SCAMP2: variants seen among roughly 807,000 people sequenced by gnomAD.
SCAMP2 encodes the protein secretory carrier membrane protein 2, also known as secretory carrier-associated membrane protein 2.
A neutral mutation model predicts 44.1 loss-of-function variants in SCAMP2; 25 were observed. That is an observed-to-expected ratio of 0.57 (90% CI 0.41 to 0.79). The LOEUF (loss-of-function observed/expected upper bound fraction) is 0.79, where lower values mean the gene tolerates loss of function less well. SCAMP2 is among the 30% of genes least tolerant of loss of function. SCAMP2 has a pLI of 0.00. For missense variants in SCAMP2, 355 were observed against 411.0 expected (o/e 0.86, Z 1.18); for synonymous variants, 156 against 166.0 (o/e 0.94, Z 0.46).
Position 74,854,605 on chromosome 15 carries a change from C to G in SCAMP2, c.102G>C (p.Leu34=), listed in dbSNP as rs749374118. ...CCTCTGAGAAGGGGTTGAATTCCGC[C>G]AGGCCGCCCTGCGGGGCGTTGGTCA... The part of the protein sequence containing the change: ...TQLTNAPQGG[L]AEFNPFSETN... Residue 34 remains leucine (L), a synonymous_variant, in exon 2 of 9, where the codon CTG becomes CTC. Coordinates refer to ENST00000268099, the MANE Select transcript of SCAMP2 (RefSeq NM_005697.5). The G allele has an allele frequency of 2.5e-6, 4 of 1,607,450 alleles. No homozygotes were observed. The highest frequency in any genetic ancestry group is 1.1e-5 in the South Asian group (1 of 89,566).
chr15:74,855,722 A>G (rs1226957684), intron 1 of SCAMP2, among the ~76,000 whole-genome samples: 4 of 151,284 alleles, frequency 2.6e-5, no homozygotes, highest in African/African-American at 2.4e-5. Context: ...ATCTCAAAAA[A>G]AAAAAAAAAA....
chr15:74,850,606 C>G lies in SCAMP2; in HGVS notation c.540G>C (p.Lys180Asn). The G allele has an allele frequency of 6.2e-7, 1 of 1,614,104 alleles. No homozygotes were observed. Among genetic ancestry groups the G allele is most frequent in the Non-Finnish European group, 8.5e-7 (1 of 1,179,986 alleles). ...CLAWFSGNSS[K>N]GVDFGLSILW... Reference sequence around the variant, plus strand: ...GGATGGAGAGGCCAAAGTCCACTCCCTTGGAGCTGTTGCCCGAGAACCAGG... The same window carrying G: ...GGATGGAGAGGCCAAAGTCCACTCCGTTGGAGCTGTTGCCCGAGAACCAGG... Residue 180 changes from lysine (K) to asparagine (N), a missense_variant, in exon 6 of 9, where the codon AAG (lysine) becomes AAC (asparagine). By Grantham distance (94) the Lys-to-Asn change is moderately conservative. Transcript: ENST00000268099.
At chr15:74,860,799 A>G (rs12906946) in intron 1 of SCAMP2, among the ~76,000 whole-genome samples, 102,046 of 151,628 alleles carry the variant, frequency 0.67, 34,605 homozygotes, top group East Asian at 0.89. Flanking sequence ...GCAGTAAGCC[A>G]AGATCACTGC....
At chr15:74,848,817 A>G in intron 6 of SCAMP2, 116 bp from the exon 7 acceptor site, 1 of 693,050 alleles carries the variant, frequency 1.4e-6, no homozygotes, top group Non-Finnish European at 2.5e-6. Flanking sequence ...GGCAAGAGAC[A>G]GAGCTCCAGG....
At chr15:74,868,413 G>C (rs1210339500) in intron 1 of SCAMP2, among the ~76,000 whole-genome samples, 2 of 152,228 alleles carry the variant, frequency 1.3e-5, no homozygotes, top group Non-Finnish European at 2.9e-5. Context: ...AGGATATAAC[G>C]ACTGAGCAGA....
chr15:74,853,861 C>A, intron 3 of SCAMP2, 160 bp downstream of exon 3: 1 of 629,376 alleles, frequency 1.6e-6, no homozygotes, highest in East Asian at 2.7e-5. Flanking sequence ...CAGAGCAGCC[C>A]CTCTACTTGT....
At position 74,862,865 on chromosome 15, in the gene SCAMP2, C is replaced by T. The variant is rs868207819; in HGVS notation, c.58-8216G>A. ...AAAAAACAAACCATACACACACACA[C>T]ACACACACACACACACACACACACA... On this transcript the variant is annotated intron_variant, in intron 1 of 8. Coordinates refer to ENST00000268099, the MANE Select transcript of SCAMP2 (RefSeq NM_005697.5). 1.7e-3 allele frequency among the ~76,000 whole-genome samples: 248 copies of T among 143,038 alleles called. 8 individuals carry two copies. The highest frequency in any genetic ancestry group is 0.011 in the Admixed American group (158 of 14,278). 93.8% of individuals were successfully genotyped at this position (143,038 alleles called of 152,430 possible).
chr15:74,866,540 C>T (rs1026107172), intron 1 of SCAMP2, among the ~76,000 whole-genome samples: 1 of 152,108 alleles, frequency 6.6e-6, no homozygotes, highest in Admixed American at 6.5e-5. Context: ...GTTGAAACCC[C>T]ACCTCTACGA....
intron 7 of SCAMP2, 33 bp downstream of exon 7, chr15:74,848,567 A>C (rs751030413): frequency 5.0e-6 from 7 of 1,389,106 alleles, no homozygotes; most frequent in Non-Finnish European, 4.1e-6. Flanking sequence ...CCATATCCAA[A>C]GCCTAATTCC....
intron 6 of SCAMP2, among the ~76,000 whole-genome samples, chr15:74,850,205 C>T (rs780320913): frequency 1.3e-5 from 2 of 152,152 alleles, no homozygotes; most frequent in Non-Finnish European, 2.9e-5. Context: ...TCCCAAAGAG[C>T]GTCCCCTCCC....
chr15:74,852,220 G>C, intron 3 of SCAMP2, 34 bp from the exon 4 acceptor site: 1 of 1,408,962 alleles, frequency 7.1e-7, no homozygotes, highest in Non-Finnish European at 9.4e-7. Context: ...GGGACAGCCA[G>C]ACACAACAAA....
chr15:74,864,307 C>T (rs1183478433), intron 1 of SCAMP2, among the ~76,000 whole-genome samples: 1 of 152,146 alleles, frequency 6.6e-6, no homozygotes, highest in Non-Finnish European at 1.5e-5. Flanking sequence ...GTGATCCGTC[C>T]GCCTTGGCCT....
chr15:74,857,877 G>A (rs1161955914), intron 1 of SCAMP2, among the ~76,000 whole-genome samples: 2 of 152,226 alleles, frequency 1.3e-5, no homozygotes, highest in Non-Finnish European at 2.9e-5. Flanking sequence ...GCCTATGGCA[G>A]CACAGCAGCT....
intron 1 of SCAMP2, among the ~76,000 whole-genome samples, chr15:74,862,853 TACACACAC>T (rs112611741): frequency 0.039 from 3,429 of 87,426 alleles, 93 homozygotes; most frequent in Middle Eastern, 0.073. Flanking sequence ...AAACAAACCA[TACACACAC>T]ACACACACAC....
At chr15:74,846,219 C>A (rs991622690) in intron 7 of SCAMP2, among the ~76,000 whole-genome samples, 3 of 151,626 alleles carry the variant, frequency 2.0e-5, no homozygotes, top group Non-Finnish European at 4.4e-5. Context: ...AAGGTGCAGG[C>A]TGCAGTGAGC....
At chr15:74,865,241 C>T (rs4643278) in intron 1 of SCAMP2, among the ~76,000 whole-genome samples, 56,384 of 151,104 alleles carry the variant, frequency 0.37, 13,263 homozygotes, top group Non-Finnish European at 0.54. Context: ...ATTAGCCGGG[C>T]GTGGTGGCAT....
intron 1 of SCAMP2, among the ~76,000 whole-genome samples, chr15:74,867,103 GTAT>G (rs1256425343): frequency 6.6e-6 from 1 of 152,184 alleles, no homozygotes; most frequent in Non-Finnish European, 1.5e-5. Context: ...GCCTCAGTGA[GTAT>G]TTCTTAGCTC....
intron 1 of SCAMP2, among the ~76,000 whole-genome samples, chr15:74,863,758 A>C (rs542792265): frequency 1.3e-5 from 2 of 152,310 alleles, no homozygotes; most frequent in South Asian, 4.1e-4. Context: ...GGGCTAGGGA[A>C]ACCAAGAAAG....
At chr15:74,864,303 C>T (rs1157182711) in intron 1 of SCAMP2, among the ~76,000 whole-genome samples, 2 of 152,262 alleles carry the variant, frequency 1.3e-5, no homozygotes, top group African/African-American at 4.8e-5. Context: ...CCTTGTGATC[C>T]GTCCGCCTTG....
Sources: gnomAD v4.1 joint callset for allele counts (sites outside exome capture counted in the v4.1 genomes callset) on GRCh38, gnomAD v4.1.1 for gene constraint, MANE v1.5 for transcripts, NCBI Gene and HGNC (gene_info 2026-07-23, HGNC 2026-07-21) for gene names.